OPCML: variants seen among roughly 807,000 people sequenced by gnomAD.
OPCML encodes opioid binding protein/cell adhesion molecule like, also known as opioid-binding protein/cell adhesion molecule.
A neutral mutation model predicts 37.8 loss-of-function variants in OPCML; 13 were observed. The observed-to-expected ratio is 0.34, with a 90% CI of 0.22 to 0.55. The LOEUF (loss-of-function observed/expected upper bound fraction) is 0.55. Ranked by LOEUF, OPCML falls within the 20% of genes least tolerant of loss-of-function variation. The pLI, the probability that OPCML is intolerant of heterozygous loss-of-function variation, is 0.91. For missense variants in OPCML, 341 were observed against 435.6 expected, an observed-to-expected ratio of 0.78 and a Z score of 1.93; for synonymous variants, 176 against 168.8, an observed-to-expected ratio of 1.04 and a Z score of -0.33.
intron 2 of OPCML, among the ~76,000 whole-genome samples, chr11:132,735,891 C>G (rs147322326): frequency 9.8e-4 from 149 of 152,142 alleles, no homozygotes; most frequent in African/African-American, 3.0e-3. Flanking sequence ...ATCCAAGAAG[C>G]AGCTGGAAAA....
chr11:132,648,356 G>C (rs1941260809), intron 3 of OPCML, among the ~76,000 whole-genome samples: 1 of 152,126 alleles, frequency 6.6e-6, no homozygotes, highest in Non-Finnish European at 1.5e-5. Context: ...TCGGAAATAA[G>C]CTGAGATCAC....
At chr11:132,607,817 G>T (rs369746039) in intron 3 of OPCML, among the ~76,000 whole-genome samples, 161 of 152,302 alleles carry the variant, frequency 1.1e-3, no homozygotes, top group African/African-American at 3.8e-3. Context: ...GTCTCATGAA[G>T]ACAGGGATTA....
intron 2 of OPCML, among the ~76,000 whole-genome samples, chr11:132,765,924 T>C (rs1565845945): frequency 6.6e-6 from 1 of 152,126 alleles, no homozygotes; most frequent in African/African-American, 2.4e-5. Flanking sequence ...TGTTCTGTCA[T>C]GCCAGAGAGA....
chr11:133,182,764 G>C (rs1445921349), intron 1 of OPCML, among the ~76,000 whole-genome samples: 1 of 152,150 alleles, frequency 6.6e-6, no homozygotes, highest in Admixed American at 6.5e-5. Flanking sequence ...GTTTCGCAAG[G>C]CTTCATGTTA....
chr11:133,318,201 G>A (rs531919557), intron 1 of OPCML, among the ~76,000 whole-genome samples: 24 of 152,288 alleles, frequency 1.6e-4, no homozygotes, highest in African/African-American at 5.8e-4. Flanking sequence ...ACACGTCTGG[G>A]TTAGCAAAGA....
chr11:133,439,356 C>T (rs1175972774), intron 1 of OPCML: 1 of 985,058 alleles, frequency 1.0e-6, no homozygotes, highest in African/African-American at 1.7e-5. Context: ...AACCAAACTC[C>T]ACCATGCCAC....
intron 1 of OPCML, among the ~76,000 whole-genome samples, chr11:133,039,495 A>G (rs760360441): frequency 6.6e-6 from 1 of 152,128 alleles, no homozygotes; most frequent in Non-Finnish European, 1.5e-5. Flanking sequence ...CCCCTCACCC[A>G]CACTCATTTG....
intron 2 of OPCML, among the ~76,000 whole-genome samples, chr11:132,925,598 A>G (rs879446109): frequency 2.6e-5 from 4 of 152,122 alleles, no homozygotes; most frequent in Admixed American, 6.5e-5. Flanking sequence ...GTTAGTCTAC[A>G]TCTAGTTTTC....
At chr11:132,818,657 TATA>T (rs138311808) in intron 2 of OPCML, among the ~76,000 whole-genome samples, 2 of 12 alleles carry the variant, frequency 0.17, no homozygotes, top group Non-Finnish European at 0.25. Context: ...TATATATATA[TATA>T]GACAGATTAT....
At chr11:132,817,242 T>C (rs957579751) in intron 2 of OPCML, 6 of 151,962 alleles carry the variant, frequency 3.9e-5, no homozygotes, top group Admixed American at 6.6e-5. Flanking sequence ...ATGACTGGGG[T>C]GGGGGTGTTG....
At chr11:132,966,642 G>T (rs989416417) in intron 1 of OPCML, among the ~76,000 whole-genome samples, 10 of 151,982 alleles carry the variant, frequency 6.6e-5, no homozygotes, top group Non-Finnish European at 1.5e-5. Flanking sequence ...TATTAAGAAT[G>T]AAGTACTAAA....
intron 1 of OPCML, among the ~76,000 whole-genome samples, chr11:133,186,854 G>A (rs1471607590): frequency 1.3e-5 from 2 of 152,306 alleles, no homozygotes; most frequent in East Asian, 3.9e-4. Flanking sequence ...GGAGGGTGAG[G>A]GAACTGAGGC....
At chr11:132,908,052 G>C (rs1019953263) in intron 2 of OPCML, among the ~76,000 whole-genome samples, 1 of 152,164 alleles carries the variant, frequency 6.6e-6, no homozygotes, top group South Asian at 2.1e-4. Context: ...TGTAGTCAGG[G>C]ATTTCTAAAA....
intron 1 of OPCML, among the ~76,000 whole-genome samples, chr11:132,993,911 A>C (rs1227943650): frequency 6.6e-6 from 1 of 152,148 alleles, no homozygotes; most frequent in Non-Finnish European, 1.5e-5. Flanking sequence ...GAAGGAAAAA[A>C]AGAGGCCCTC....
rs577554798 is a variant in OPCML at position 132,849,950 on chromosome 11, T to C, written c.146+92976A>G. Among the ~76,000 whole-genome samples, 19 of 152,338 alleles carry C rather than the reference T, an allele frequency of 1.2e-4. No homozygotes were observed. In the East Asian group the frequency reaches 3.3e-3, roughly 26 times the overall value. On this transcript the variant is annotated intron_variant, in intron 2 of 7. Coordinates refer to ENST00000524381, the MANE Select transcript of OPCML (RefSeq NM_001012393.5). ...TCTTTGCTGTGTCCACTCGAGCAGA[T>C]GACGCACCAGCTCCTTCCATCCTAA...
At chr11:132,557,922 C>G (rs776966236) in intron 3 of OPCML, among the ~76,000 whole-genome samples, 19 of 152,138 alleles carry the variant, frequency 1.2e-4, no homozygotes, top group Non-Finnish European at 2.8e-4. Context: ...AAAATCTTCT[C>G]TTACTCATCT....
intron 1 of OPCML, among the ~76,000 whole-genome samples, chr11:133,364,152 C>T (rs1241278927): frequency 6.6e-6 from 1 of 152,174 alleles, no homozygotes; most frequent in East Asian, 1.9e-4. Context: ...TGTTTGTAAA[C>T]AGCAGTCCTT....
chr11:133,360,377 G>C (rs561357276), intron 1 of OPCML: 2 of 152,342 alleles, frequency 1.3e-5, no homozygotes, highest in African/African-American at 4.8e-5. Context: ...TCCTTCACCT[G>C]CAAAGGATGC....
intron 1 of OPCML, among the ~76,000 whole-genome samples, chr11:133,440,848 A>C (rs920764723): frequency 6.8e-6 from 1 of 147,414 alleles, no homozygotes; most frequent in South Asian, 2.1e-4. Context: ...TATATATATG[A>C]TTTCTATTAG....
Sources: allele counts gnomAD v4.1 joint callset (sites outside exome capture counted in the v4.1 genomes callset), GRCh38; gene constraint gnomAD v4.1.1; transcripts MANE v1.5; gene names NCBI Gene and HGNC (gene_info 2026-07-23, HGNC 2026-07-21).